GALK2: variants seen among roughly 807,000 people sequenced by gnomAD.
GALK2 encodes galactokinase 2.
GALK2 carries 36 observed loss-of-function variants against 52.4 expected under a neutral mutation model. The observed-to-expected ratio is 0.69, with a 90% CI of 0.53 to 0.91. The LOEUF is 0.91. Among genes scored for constraint, GALK2 ranks in the 40% least tolerant of loss-of-function variants. The probability of loss-of-function intolerance (pLI) is 0.00; values close to 1 mark genes in which losing one functional copy is unlikely to be tolerated. For synonymous variants in GALK2, 176 were observed against 199.1 expected, an observed-to-expected ratio of 0.88 and a Z score of 0.98; for missense variants, 579 against 559.1, an observed-to-expected ratio of 1.04 and a Z score of -0.36.
intron 3 of GALK2, among the ~76,000 whole-genome samples, chr15:49,224,006 C>T (rs2089983679): frequency 6.6e-6 from 1 of 152,152 alleles, no homozygotes; most frequent in South Asian, 2.1e-4. Flanking sequence ...TACACTCCCA[C>T]CAAGAGTGTA....
At chr15:49,342,530 T>C (rs2040890600) in intron 3 of GALK2, among the ~76,000 whole-genome samples, 1 of 151,332 alleles carries the variant, frequency 6.6e-6, no homozygotes, top group Non-Finnish European at 1.5e-5. Context: ...ACTGTTTACA[T>C]TCAAGGTTAT....
chr15:49,294,320 G>C (rs1317941240), intron 8 of GALK2, among the ~76,000 whole-genome samples: 1 of 152,098 alleles, frequency 6.6e-6, no homozygotes, highest in Non-Finnish European at 1.5e-5. Context: ...TACAGAGGCA[G>C]AAAGAAGTGA....
At chr15:49,363,750 T>C (rs537785661) in intron 3 of GALK2, among the ~76,000 whole-genome samples, 1 of 152,220 alleles carries the variant, frequency 6.6e-6, no homozygotes, top group East Asian at 1.9e-4. Flanking sequence ...TGCTGTGGGT[T>C]TGTCATAGAT....
upstream of GALK2, among the ~76,000 whole-genome samples, chr15:49,166,225 G>T (rs2084817614): frequency 6.6e-6 from 1 of 152,104 alleles, no homozygotes; most frequent in South Asian, 2.1e-4. Context: ...GTATGACTGG[G>T]CAAGCAGAGG....
intron 3 of GALK2, among the ~76,000 whole-genome samples, chr15:49,340,730 G>T (rs1288725123): frequency 6.6e-6 from 1 of 152,144 alleles, no homozygotes; most frequent in Non-Finnish European, 1.5e-5. Context: ...TGACTACGTT[G>T]ATGTTTTATA....
At chr15:49,207,431 ATTC>A (rs1566937326) in intron 2 of GALK2, among the ~76,000 whole-genome samples, 1 of 152,142 alleles carries the variant, frequency 6.6e-6, no homozygotes, top group Non-Finnish European at 1.5e-5. Flanking sequence ...ATTGGTTTCA[ATTC>A]TTCTTTGAAT....
chr15:49,359,022 A>G (rs1382000931), intron 3 of GALK2, among the ~76,000 whole-genome samples: 4 of 152,040 alleles, frequency 2.6e-5, no homozygotes, highest in Non-Finnish European at 5.9e-5. Flanking sequence ...TGCTGGGAAA[A>G]CTGGCTAGCC....
intron 2 of GALK2, among the ~76,000 whole-genome samples, chr15:49,210,764 C>T (rs1019651889): frequency 3.3e-5 from 5 of 151,694 alleles, no homozygotes; most frequent in African/African-American, 4.8e-5. Flanking sequence ...TTTTAACTTT[C>T]GAGATGTAGT....
At chr15:49,202,444 A>C (rs1189771708) in intron 2 of GALK2, among the ~76,000 whole-genome samples, 1 of 152,210 alleles carries the variant, frequency 6.6e-6, no homozygotes, top group Admixed American at 6.5e-5. Flanking sequence ...ATGAGTGAGA[A>C]CATGAGGTAT....
At chr15:49,262,227 T>C (rs1443463733) in intron 5 of GALK2, among the ~76,000 whole-genome samples, 1 of 152,184 alleles carries the variant, frequency 6.6e-6, no homozygotes, top group Non-Finnish European at 1.5e-5. Flanking sequence ...AAGCTATTGA[T>C]TATTGCCACA....
intron 3 of GALK2, 42 bp downstream of exon 3, chr15:49,217,355 T>C (rs1389690662): frequency 6.3e-7 from 1 of 1,595,450 alleles, no homozygotes; most frequent in Non-Finnish European, 8.6e-7. Context: ...TGTATGGTTC[T>C]GTTTGTACCC....
At chr15:49,306,068 G>C (rs559628006) in intron 8 of GALK2, among the ~76,000 whole-genome samples, 2 of 152,294 alleles carry the variant, frequency 1.3e-5, no homozygotes, top group Non-Finnish European at 2.9e-5. Flanking sequence ...TAGTGTAGGT[G>C]TATTGTCCTT....
chr15:49,357,109 C>G (rs1159805576), intron 3 of GALK2, among the ~76,000 whole-genome samples: 3 of 150,860 alleles, frequency 2.0e-5, no homozygotes, highest in Non-Finnish European at 4.4e-5. Context: ...ATTTATAGCA[C>G]TAAATGCCCA....
At chr15:49,249,177 G>A (rs564905247) in intron 5 of GALK2, among the ~76,000 whole-genome samples, 1 of 152,142 alleles carries the variant, frequency 6.6e-6, no homozygotes, top group South Asian at 2.1e-4. Flanking sequence ...GAAAATACAA[G>A]GATAGATAAC....
At chr15:49,344,704 A>G (rs1445336431) in intron 3 of GALK2, among the ~76,000 whole-genome samples, 2 of 152,216 alleles carry the variant, frequency 1.3e-5, no homozygotes, top group East Asian at 3.8e-4. Flanking sequence ...AATCTCAGTT[A>G]TGCCAGGTTT....
chr15:49,174,927 C>G (rs1256307943), intron 1 of GALK2, among the ~76,000 whole-genome samples: 3 of 152,102 alleles, frequency 2.0e-5, no homozygotes, highest in Non-Finnish European at 4.4e-5. Flanking sequence ...AGTTTGTAGA[C>G]CAGAAGAGAG....
intron 5 of GALK2, among the ~76,000 whole-genome samples, chr15:49,264,524 C>T (rs1355989024): frequency 6.6e-6 from 1 of 152,134 alleles, no homozygotes; most frequent in Admixed American, 6.5e-5. Flanking sequence ...AATGTCCTCC[C>T]AACGTAGCTC....
chr15:49,326,827 A>G (rs1225358755), intron 9 of GALK2: 4 of 152,194 alleles, frequency 2.6e-5, no homozygotes, highest in Non-Finnish European at 5.9e-5. Context: ...AAAGAAATCA[A>G]CTGAGAAGAA....
Position 49,319,676 on chromosome 15 carries a change from A to G in GALK2, c.1040A>G (p.Lys347Arg). 6.2e-7 allele frequency: 1 copy of G among 1,614,126 alleles called. No homozygotes were observed. The highest frequency in any genetic ancestry group is 2.2e-5 in the East Asian group (1 of 44,872). Reference sequence around the variant, plus strand: ...GCTGCGCGAGTGCTCCAGTTTAAGAAGATATGTGAAGAAGCACCTGAAAAC... The same window carrying G: ...GCTGCGCGAGTGCTCCAGTTTAAGAGGATATGTGAAGAAGCACCTGAAAAC... The part of the protein sequence containing the change: ...SEAARVLQFK[K>R]ICEEAPENMV... Residue 347 changes from lysine to arginine, a missense_variant, in exon 9 of 10, where the codon AAG becomes AGG. Lys to Arg is a conservative substitution (Grantham distance 26, BLOSUM62 2). Transcript: ENST00000560031.
Sources: allele counts gnomAD v4.1 joint callset (sites outside exome capture counted in the v4.1 genomes callset), GRCh38; gene constraint gnomAD v4.1.1; transcripts MANE v1.5; gene names NCBI Gene and HGNC (gene_info 2026-07-23, HGNC 2026-07-21).